The following MYH10 variants were observed in gnomAD, a reference collection of about 807,000 sequenced individuals.
The protein encoded by MYH10 is myosin heavy chain 10.
In MYH10, 55 loss-of-function variants were observed where a neutral mutation model predicts 257.8. The ratio of observed to expected loss-of-function variants is 0.21; its 90% CI spans 0.17 to 0.27. The LOEUF (loss-of-function observed/expected upper bound fraction) is 0.27, where lower values mean the gene tolerates loss of function less well. Ranked by LOEUF, MYH10 falls within the 10% of genes least tolerant of loss-of-function variation. MYH10 has a pLI of 1.00. For missense variants in MYH10, 1,631 were observed against 2,500.6 expected, an observed-to-expected ratio of 0.65 and a Z score of 7.42; for synonymous variants, 854 against 921.7, an observed-to-expected ratio of 0.93 and a Z score of 1.33.
Position 8,550,852 on chromosome 17 carries a change from T to C in MYH10, c.919+1194A>G, listed in dbSNP as rs955592318. On this transcript the variant is annotated intron_variant, in intron 9 of 42. Coordinates refer to ENST00000360416, the MANE Select transcript of MYH10 (RefSeq NM_001256012.3). ...ATCTGAGACCTTACCCCCAACCCTGTGCTCTCTGAAACATGTACTGTGTCC... is the reference window on the plus strand; with the variant it reads ...ATCTGAGACCTTACCCCCAACCCTGCGCTCTCTGAAACATGTACTGTGTCC... Among the ~76,000 whole-genome samples the C allele has an allele frequency of 1.1e-4, 16 of 152,164 alleles. 1 individual carries two copies. The highest frequency in any genetic ancestry group is 9.2e-4 in the Admixed American group (14 of 15,280).
chr17:8,533,931 C>A (rs530080737), intron 16 of MYH10, among the ~76,000 whole-genome samples: 63 of 152,318 alleles, frequency 4.1e-4, no homozygotes, highest in Non-Finnish European at 6.9e-4. Flanking sequence ...ATCCTTACGA[C>A]TGCAACATTA....
At chr17:8,494,726 T>TTATCA (rs1916316386) in intron 31 of MYH10, among the ~76,000 whole-genome samples, 1 of 152,250 alleles carries the variant, frequency 6.6e-6, no homozygotes, top group African/African-American at 2.4e-5. Flanking sequence ...CTTAACAGTC[T>TTATCA]GATAAGCCTC....
intron 2 of MYH10, among the ~76,000 whole-genome samples, chr17:8,609,114 T>C (rs995202776): frequency 2.0e-5 from 3 of 152,152 alleles, no homozygotes; most frequent in Non-Finnish European, 4.4e-5. Context: ...CCCAGCCGAT[T>C]GGGAAATTTT....
At chr17:8,512,916 C>A (rs1200706890) in intron 23 of MYH10, among the ~76,000 whole-genome samples, 1 of 152,100 alleles carries the variant, frequency 6.6e-6, no homozygotes, top group Non-Finnish European at 1.5e-5. Context: ...AGGTAATTTA[C>A]AAGGGACAGA....
At chr17:8,573,502 C>A (rs1456473647) in intron 6 of MYH10, among the ~76,000 whole-genome samples, 2 of 152,136 alleles carry the variant, frequency 1.3e-5, no homozygotes, top group Non-Finnish European at 2.9e-5. Context: ...TTGAAGGTAT[C>A]ATTTGTAGGG....
chr17:8,512,825 A>G (rs2081343772), intron 23 of MYH10, among the ~76,000 whole-genome samples, 168 bp from the exon 24 acceptor site: 1 of 152,190 alleles, frequency 6.6e-6, no homozygotes, highest in Non-Finnish European at 1.5e-5. Context: ...AAAATAAGCA[A>G]GATGAAAATA....
At chr17:8,572,245 T>C (rs1461626416) in intron 6 of MYH10, among the ~76,000 whole-genome samples, 1 of 95,550 alleles carries the variant, frequency 1.0e-5, no homozygotes, top group Non-Finnish European at 2.4e-5. Flanking sequence ...TGTGTGTGTG[T>C]GTGTGTGTGT....
intron 14 of MYH10, among the ~76,000 whole-genome samples, chr17:8,536,556 T>C (rs2082143163): frequency 6.6e-6 from 1 of 152,122 alleles, no homozygotes; most frequent in Non-Finnish European, 1.5e-5. Flanking sequence ...AAAGTAGCAC[T>C]TTGGGAGGCC....
intron 17 of MYH10, among the ~76,000 whole-genome samples, chr17:8,522,459 C>G (rs1400063588): frequency 6.6e-6 from 1 of 152,260 alleles, no homozygotes; most frequent in East Asian, 1.9e-4. Context: ...TACACTACAA[C>G]TGCTTCCAAG....
At position 8,545,308 on chromosome 17, in the gene MYH10, C is replaced by G; in HGVS notation, c.1431+140G>C. ...ACCTGCGGATTCACTGATTATTTGC[C>G]ATTTATTGTTTGGCTCTACTAGAAT... On this transcript the variant is annotated intron_variant, in intron 13 of 42. Coordinates refer to ENST00000360416, the MANE Select transcript of MYH10 (RefSeq NM_001256012.3). The surrounding 1 kb of genome is among the most constrained non-coding windows in gnomAD (Gnocchi z 4.7). 1.1e-6 allele frequency: 1 copy of G among 896,968 alleles called. No homozygotes were observed. The allele number at this position is 896,968 out of a possible 1,614,324, so 55.6% of individuals were successfully genotyped here. A position where few individuals can be genotyped will look rare whatever the true frequency, so the allele number is the denominator to read the frequency against.
rs1480128806 is a variant in MYH10, at chr17:8,500,864, G to C, written c.3706C>G (p.Leu1236Val). The change falls in exon 29 of 43, where the codon CTG (leucine) becomes GTG (valine). Residue 1236 changes from leucine to valine, a missense_variant. Coordinates refer to ENST00000360416, the MANE Select transcript of MYH10 (RefSeq NM_001256012.3). ...TCCAGCTGCTCTGAGAGCTCCTCCA[G>C]GGCTGTTGCGTGTCTTTGTCTCATG... is the stretch of plus-strand genomic sequence containing the variant. ...QDMRQRHATA[L>V]EELSEQLEQA... The C allele has an allele frequency of 1.9e-6, 3 of 1,613,906 alleles. No individual in the cohort carries two copies. The East Asian group carries it at 6.7e-5, about 36-fold the overall frequency.
At chr17:8,621,297 T>C (rs1260247726) in intron 2 of MYH10, among the ~76,000 whole-genome samples, 2 of 152,094 alleles carry the variant, frequency 1.3e-5, no homozygotes, top group African/African-American at 4.8e-5. Flanking sequence ...GTTTTCTCAC[T>C]CCTTCACCCC....
At position 8,494,850 on chromosome 17, in the gene MYH10, C is replaced by T. The variant is rs113077108; in HGVS notation, c.4056+287G>A. ...AGCAAGACATTGTGTGCAGCAGGAC[C>T]ATAGCTTGGGTCAACCACAGCCCAG... On this transcript the variant is annotated intron_variant, in intron 31 of 42. Transcript: ENST00000360416. 2.6e-3 allele frequency among the ~76,000 whole-genome samples: 393 copies of T among 152,302 alleles called. 2 individuals are homozygous for T. Among genetic ancestry groups the T allele is most frequent in the Middle Eastern group, 6.8e-3 (2 of 294 alleles).
chr17:8,591,021 C>T (rs534844792), intron 3 of MYH10, among the ~76,000 whole-genome samples: 56 of 151,580 alleles, frequency 3.7e-4, no homozygotes, highest in Non-Finnish European at 7.1e-4. Flanking sequence ...TACAGGCGCC[C>T]GCCACCACGC....
intron 7 of MYH10, among the ~76,000 whole-genome samples, chr17:8,568,088 C>T (rs268451): frequency 0.96 from 146,804 of 152,238 alleles, 71,020 homozygotes; most frequent in East Asian, 1. Flanking sequence ...TCCTCTGGGA[C>T]GCTAGTCCAC....
chr17:8,518,546 A>G lies in MYH10; in HGVS notation c.2504+85T>C, dbSNP rs190352362. On this transcript the variant is annotated intron_variant, in intron 21 of 42. Transcript: ENST00000360416. ...TGTAAGGACAGACTATGTCTCACAC[A>G]CTCTTGCACCCCAGGTCAAAATGCA... is the stretch of plus-strand genomic sequence containing the variant. The G allele has an allele frequency of 5.7e-4, 812 of 1,417,644 alleles. 2 individuals carry two copies. The highest frequency in any genetic ancestry group is 7.4e-4 in the Non-Finnish European group (764 of 1,031,012). The allele number at this position is 1,417,644 out of a possible 1,614,324, so 87.8% of individuals were successfully genotyped here.
intron 29 of MYH10, among the ~76,000 whole-genome samples, 153 bp downstream of exon 29, chr17:8,500,673 G>A (rs1376546925): frequency 1.3e-5 from 2 of 152,220 alleles, no homozygotes; most frequent in East Asian, 3.8e-4. Context: ...AGCCGCTCCT[G>A]TCTTGGCAAC....
At chr17:8,573,845 C>T in intron 6 of MYH10, 1 of 975,564 alleles carries the variant, frequency 1.0e-6, no homozygotes, top group South Asian at 4.7e-5. Flanking sequence ...AAAAGGTAAA[C>T]ATAAAAGACT....
chr17:8,595,147 C>G (rs2084313576), intron 3 of MYH10, among the ~76,000 whole-genome samples: 1 of 152,138 alleles, frequency 6.6e-6, no homozygotes, highest in Non-Finnish European at 1.5e-5. Flanking sequence ...AGAAGCCACA[C>G]TCAAAAGGTT....
Sources: allele counts gnomAD v4.1 joint callset (sites outside exome capture counted in the v4.1 genomes callset), GRCh38; gene constraint gnomAD v4.1.1; non-coding constraint Gnocchi (gnomAD v3.1); transcripts MANE v1.5; gene names NCBI Gene and HGNC (gene_info 2026-07-23, HGNC 2026-07-21).